TPR: variants seen among roughly 807,000 people sequenced by gnomAD.
The protein encoded by TPR is nucleoprotein TPR.
Under a neutral mutation model 316.1 loss-of-function variants are expected in TPR, and 51 were observed. The observed-to-expected ratio is 0.16, with a 90% CI of 0.13 to 0.20. The LOEUF is 0.20. Ranked by LOEUF, TPR falls within the 10% of genes least tolerant of loss-of-function variation. TPR has a pLI of 1.00. For missense variants in TPR, 2,272 were observed against 2,754.8 expected, an observed-to-expected ratio of 0.82 and a Z score of 3.92; for synonymous variants, 981 against 914.7, an observed-to-expected ratio of 1.07 and a Z score of -1.31.
chr1:186,343,593 T>A, intron 26 of TPR, 120 bp from the exon 27 acceptor site: 2 of 842,294 alleles, frequency 2.4e-6, no homozygotes, highest in Non-Finnish European at 3.5e-6. Flanking sequence ...ACGTTTTCAT[T>A]AATAATAAAT....
chr1:186,372,754 T>C (rs1659574132), intron 2 of TPR, among the ~76,000 whole-genome samples: 1 of 152,108 alleles, frequency 6.6e-6, no homozygotes, highest in Admixed American at 6.6e-5. Context: ...CTAAGAAATG[T>C]CAGGATCTTT....
intron 24 of TPR, among the ~76,000 whole-genome samples, 194 bp downstream of exon 24, chr1:186,345,386 G>A (rs1260061614): frequency 1.3e-5 from 2 of 152,174 alleles, no homozygotes; most frequent in African/African-American, 4.8e-5. Context: ...AGATTGCTTT[G>A]TTAATGAATA....
intron 38 of TPR, among the ~76,000 whole-genome samples, 166 bp from the exon 39 acceptor site, chr1:186,331,747 G>A (rs1658174037): frequency 6.6e-6 from 1 of 151,954 alleles, no homozygotes; most frequent in African/African-American, 2.4e-5. Flanking sequence ...TTCCTCCTCA[G>A]TATACACAAA....
chr1:186,320,702 C>A (rs2102051755), intron 45 of TPR, among the ~76,000 whole-genome samples: 1 of 152,254 alleles, frequency 6.6e-6, no homozygotes, highest in South Asian at 2.1e-4. Flanking sequence ...CTCAGATATC[C>A]TCACATAGAT....
intron 36 of TPR, 125 bp from the exon 37 acceptor site, chr1:186,333,519 T>C (rs1658239237): frequency 1.8e-6 from 2 of 1,118,846 alleles, no homozygotes; most frequent in Non-Finnish European, 2.5e-6. Context: ...AAATACATTG[T>C]AGGTAAAGGT....
At chr1:186,367,415 C>T (rs982586129) in intron 4 of TPR, among the ~76,000 whole-genome samples, 1 of 152,160 alleles carries the variant, frequency 6.6e-6, no homozygotes, top group African/African-American at 2.4e-5. Flanking sequence ...GTTCACCTGA[C>T]TACATCAGCT....
intron 43 of TPR, 187 bp from the exon 44 acceptor site, chr1:186,322,773 C>T: frequency 1.7e-6 from 1 of 582,660 alleles, no homozygotes; most frequent in South Asian, 2.0e-5. Context: ...TAATTATAGT[C>T]TATAATATTA....
intron 4 of TPR, among the ~76,000 whole-genome samples, chr1:186,367,337 T>C (rs1659382024): frequency 6.6e-6 from 1 of 152,130 alleles, no homozygotes; most frequent in Non-Finnish European, 1.5e-5. Flanking sequence ...AGTGCTGGGA[T>C]TACAGGCGTC....
In TPR at chr1:186,356,018, ATC is replaced by A. The variant is rs1334016145; in HGVS notation, c.1889-252_1889-251del. 5.3e-5 allele frequency among the ~76,000 whole-genome samples: 8 copies of A among 152,236 alleles called. No individual in the cohort carries two copies. The East Asian group carries it at 1.3e-3, about 26-fold the overall frequency. On this transcript the variant is annotated intron_variant, in intron 15 of 50. Transcript: ENST00000367478. ...CCATATTTATGTTTTATTAAAACAT[ATC>A]TGTTTTGGTCATTAAAACATAACCA...
rs1277629324 is a variant in TPR at position 186,374,871 on chromosome 1, C to T, written c.151+7G>A. ...AAAACCAAGGACGGAAAGAGCATCT[C>T]ACTTACCGCTCTCCACCTTAAATTT... On this transcript the variant is annotated splice_region_variant and intron_variant, in intron 1 of 50. Transcript: ENST00000367478. 1 of 1,591,882 alleles carries T rather than the reference C, an allele frequency of 6.3e-7. No homozygotes were observed. Among genetic ancestry groups the T allele is most frequent in the Admixed American group, 1.7e-5 (1 of 59,342 alleles).
intron 48 of TPR, among the ~76,000 whole-genome samples, 165 bp downstream of exon 48, chr1:186,318,282 C>T (rs1657667592): frequency 1.3e-5 from 2 of 151,398 alleles, no homozygotes; most frequent in Admixed American, 6.6e-5. Flanking sequence ...GAGCCGAGAT[C>T]ACGCCACTGC....
chr1:186,311,803 G>A lies in TPR; in HGVS notation c.*2168C>T. On this transcript the variant is annotated 3_prime_UTR_variant, in exon 51 of 51. Coordinates refer to ENST00000367478, the MANE Select transcript of TPR (RefSeq NM_003292.3). Reference sequence around the variant, plus strand: ...CACAGGCAAGTCACAATTCATTTGAGTTTTCAGGTCACTGATAGAATGTCA... The same window carrying A: ...CACAGGCAAGTCACAATTCATTTGAATTTTCAGGTCACTGATAGAATGTCA... The A allele has an allele frequency of 1.6e-6, 1 of 624,840 alleles. No homozygotes were observed. The highest frequency in any genetic ancestry group is 2.8e-5 in the East Asian group (1 of 35,440). The allele number at this position is 624,840 out of a possible 1,614,324, so 38.7% of individuals were successfully genotyped here.
In TPR at chr1:186,357,462, G is replaced by C; in HGVS notation, c.1659C>G (p.Leu553=). Residue 553 remains leucine (L), a synonymous_variant, in exon 14 of 51, where the codon CTC becomes CTG. Coordinates refer to ENST00000367478, the MANE Select transcript of TPR (RefSeq NM_003292.3). The part of the protein sequence containing the change: ...IEELQQQNQR[L]LVALRELGET... Reference sequence around the variant, plus strand: ...CCCCAAGCTCTCTAAGGGCCACTAAGAGACGTTGATTTTGTTGTTGAAGCT... The same window carrying C: ...CCCCAAGCTCTCTAAGGGCCACTAACAGACGTTGATTTTGTTGTTGAAGCT... The C allele has an allele frequency of 6.2e-7, 1 of 1,613,988 alleles. No individual in the cohort carries two copies. The highest frequency in any genetic ancestry group is 8.5e-7 in the Non-Finnish European group (1 of 1,180,014).
At chr1:186,344,288 G>A (rs1433979188) in intron 25 of TPR, 87 bp downstream of exon 25, 16 of 1,486,578 alleles carry the variant, frequency 1.1e-5, no homozygotes, top group South Asian at 7.7e-5. Context: ...GTGACAGAGC[G>A]AGGCTCCATC....
At position 186,326,097 on chromosome 1, in the gene TPR, C is replaced by T. The variant is rs752908530; in HGVS notation, c.6021+7G>A. 3 of 1,613,636 alleles carry T rather than the reference C, an allele frequency of 1.9e-6. No individual in the cohort carries two copies. Among genetic ancestry groups the T allele is most frequent in the Admixed American group, 3.3e-5 (2 of 59,960 alleles). Reference sequence around the variant, plus strand: ...AACTATGAATGGTTAAAATTCTAGCCAGTTACCTCAGCATCATCAGCTTCA... The same window carrying T: ...AACTATGAATGGTTAAAATTCTAGCTAGTTACCTCAGCATCATCAGCTTCA... On this transcript the variant is annotated splice_region_variant and intron_variant, in intron 41 of 50. Transcript: ENST00000367478.
intron 27 of TPR, 167 bp from the exon 28 acceptor site, chr1:186,341,556 A>G (rs1393262763): frequency 3.3e-6 from 2 of 609,018 alleles, no homozygotes; most frequent in African/African-American, 1.9e-5. Context: ...GAGGCATGCG[A>G]ACTGCAGACT....
intron 18 of TPR, among the ~76,000 whole-genome samples, chr1:186,353,401 CT>C (rs1658931618): frequency 6.6e-6 from 1 of 151,668 alleles, no homozygotes; most frequent in Non-Finnish European, 1.5e-5. Flanking sequence ...AAAAAAACGT[CT>C]TTGTTAGAAC....
chr1:186,370,845 G>A (rs774967227), intron 3 of TPR, 125 bp downstream of exon 3: 1 of 695,522 alleles, frequency 1.4e-6, no homozygotes, highest in Non-Finnish European at 2.4e-6. Flanking sequence ...ATTTTTGTTG[G>A]TAGCTTCCCC....
Position 186,358,557 on chromosome 1 carries a change from C to T in TPR, c.1483G>A (p.Asp495Asn). The T allele has an allele frequency of 6.2e-7, 1 of 1,608,816 alleles. No individual in the cohort carries two copies. The highest frequency in any genetic ancestry group is 8.5e-7 in the Non-Finnish European group (1 of 1,178,138). ...DNRRMEIQVK[D>N]LSQQIRVLLM... ...AAAATTCTAACCTGTTGTGAAAGAT[C>T]TTTTACTTGTATTTCCATTCTTCGA... Residue 495 changes from aspartate to asparagine, a missense_variant, in exon 13 of 51, where the codon GAT (aspartate) becomes AAT (asparagine). By Grantham distance (23) the Asp-to-Asn change is conservative. Coordinates refer to ENST00000367478, the MANE Select transcript of TPR (RefSeq NM_003292.3).
Sources: gnomAD v4.1 joint callset for allele counts (sites outside exome capture counted in the v4.1 genomes callset) on GRCh38, gnomAD v4.1.1 for gene constraint, MANE v1.5 for transcripts, NCBI Gene and HGNC (gene_info 2026-07-23, HGNC 2026-07-21) for gene names.